Variants in ABTB2 observed in about 807,000 individuals in gnomAD.
The protein encoded by ABTB2 is ankyrin repeat and BTB domain containing 2.
A neutral mutation model predicts 104.1 loss-of-function variants in ABTB2; 56 were observed. The ratio of observed to expected loss-of-function variants is 0.54; its 90% CI spans 0.43 to 0.67. ABTB2 has a LOEUF of 0.67. Among genes scored for constraint, ABTB2 ranks in the 30% least tolerant of loss-of-function variants. ABTB2 has a pLI of 0.00. For missense variants in ABTB2, 1,279 were observed against 1,407.7 expected, an observed-to-expected ratio of 0.91 and a Z score of 1.46; for synonymous variants, 606 against 608.2, an observed-to-expected ratio of 1.00 and a Z score of 0.05.
intron 1 of ABTB2, among the ~76,000 whole-genome samples, chr11:34,355,853 A>C (rs1038627597): frequency 6.6e-6 from 1 of 152,148 alleles, no homozygotes; most frequent in African/African-American, 2.4e-5. Flanking sequence ...CACCAAATCC[A>C]TGCTATCTTC....
chr11:34,273,154 G>C lies in ABTB2; in HGVS notation c.884-68464C>G, dbSNP rs186653193. ...TATGTTTACTATTTTTACTATTCCT[G>C]GGTCCCAGAAAGGGAGGGGAGTGAG... On this transcript the variant is annotated intron_variant, in intron 1 of 16. Transcript: ENST00000435224. 3.4e-3 allele frequency among the ~76,000 whole-genome samples: 511 copies of C among 152,096 alleles called. 1 individual carries two copies. The highest frequency in any genetic ancestry group is 9.1e-3 in the South Asian group (44 of 4,820).
intron 3 of ABTB2, chr11:34,189,271 C>CAAAAGAAAAGAAAAGAG (rs1231093132): frequency 4.6e-5 from 7 of 151,630 alleles, no homozygotes; most frequent in African/African-American, 7.3e-5. Flanking sequence ...CTTGACTAGC[C>CAAAAGAAAAGAAAAGAG]AAAAGAAAAG....
chr11:34,318,837 AG>A (rs1278945852), intron 1 of ABTB2, among the ~76,000 whole-genome samples: 1 of 152,214 alleles, frequency 6.6e-6, no homozygotes. Context: ...CTTAACCACT[AG>A]TCTAAGTAAT....
chr11:34,154,586 C>CTGCTCTTCCTGTCAGA lies in ABTB2; in HGVS notation c.2766+99_2766+114dup, dbSNP rs1852594288. Reference sequence around the variant, plus strand: ...TGTGCACAGTTCCTCTTTCTGGGAACTGCTCTTCCTGTCAGATGGAGAGGA... The same window carrying CTGCTCTTCCTGTCAGA: ...TGTGCACAGTTCCTCTTTCTGGGAACTGCTCTTCCTGTCAGATGCTCTTCCTGTCAGATGGAGAGGA... On this transcript the variant is annotated intron_variant, in intron 15 of 16. Coordinates refer to ENST00000435224, the MANE Select transcript of ABTB2 (RefSeq NM_145804.3). This position sits in a 1 kb window ranked among gnomAD's most constrained non-coding sequence, Gnocchi z 4.9. The CTGCTCTTCCTGTCAGA allele has an allele frequency of 9.1e-7, 1 of 1,099,102 alleles. No individual in the cohort carries two copies. The highest frequency in any genetic ancestry group is 1.4e-6 in the Non-Finnish European group (1 of 740,316). 68.1% of individuals were successfully genotyped at this position (1,099,102 alleles called of 1,614,324 possible).
At chr11:34,266,777 AC>A (rs929589270) in intron 1 of ABTB2, among the ~76,000 whole-genome samples, 44 of 150,542 alleles carry the variant, frequency 2.9e-4, no homozygotes, top group African/African-American at 1.1e-3. Context: ...CCCCTCCCCC[AC>A]CCCCTGTGCC....
intron 1 of ABTB2, among the ~76,000 whole-genome samples, chr11:34,225,462 A>G (rs1853673672): frequency 6.6e-6 from 1 of 152,212 alleles, no homozygotes; most frequent in African/African-American, 2.4e-5. Context: ...CTTCCCTTAA[A>G]AAGAAAGAGC....
intron 1 of ABTB2, among the ~76,000 whole-genome samples, chr11:34,237,276 C>CTTTTTTT (rs561473313): frequency 8.6e-6 from 1 of 116,236 alleles, no homozygotes; most frequent in Non-Finnish European, 1.8e-5. Context: ...CCTGGATATT[C>CTTTTTTT]TTTTTTTTTT....
chr11:34,270,340 CTTTTT>C (rs35884906), intron 1 of ABTB2, among the ~76,000 whole-genome samples: 2 of 137,420 alleles, frequency 1.5e-5, no homozygotes, highest in Non-Finnish European at 3.2e-5. Context: ...GACGGTTTTC[CTTTTT>C]TTTTTTTTTT....
At chr11:34,313,455 A>G (rs1854883477) in intron 1 of ABTB2, among the ~76,000 whole-genome samples, 1 of 152,170 alleles carries the variant, frequency 6.6e-6, no homozygotes, top group Admixed American at 6.5e-5. Context: ...CTGCACCACC[A>G]TCAGGCCCCC....
intron 1 of ABTB2, among the ~76,000 whole-genome samples, chr11:34,226,127 G>T (rs1853682970): frequency 6.6e-6 from 1 of 150,996 alleles, no homozygotes; most frequent in African/African-American, 2.4e-5. Flanking sequence ...ACTTGAGCCT[G>T]GGAGGCAGAG....
intron 1 of ABTB2, among the ~76,000 whole-genome samples, chr11:34,311,443 C>T (rs541404432): frequency 2.0e-5 from 3 of 152,352 alleles, no homozygotes; most frequent in African/African-American, 7.2e-5. Context: ...AATAAGCTCA[C>T]TCTAAAAACA....
chr11:34,234,543 T>C (rs537655736), intron 1 of ABTB2, among the ~76,000 whole-genome samples: 226 of 152,250 alleles, frequency 1.5e-3, no homozygotes, highest in African/African-American at 5.2e-3. Flanking sequence ...AGAGGAGAAA[T>C]GCAATTCTCT....
intron 1 of ABTB2, among the ~76,000 whole-genome samples, chr11:34,211,200 C>T (rs913854921): frequency 9.2e-5 from 14 of 152,270 alleles, no homozygotes; most frequent in Middle Eastern, 3.4e-3. Flanking sequence ...CTTCAACCTT[C>T]GGGGCTCAAG....
At chr11:34,309,694 A>T (rs1052606800) in intron 1 of ABTB2, among the ~76,000 whole-genome samples, 2 of 152,212 alleles carry the variant, frequency 1.3e-5, no homozygotes, top group Non-Finnish European at 2.9e-5. Context: ...TGGAGAAAAG[A>T]AAAACAAACT....
chr11:34,236,642 C>A (rs1485731553), intron 1 of ABTB2, among the ~76,000 whole-genome samples: 1 of 152,200 alleles, frequency 6.6e-6, no homozygotes, highest in African/African-American at 2.4e-5. Context: ...CAAGGCCAGG[C>A]CTTGATCTCC....
chr11:34,241,242 G>A (rs1015418735), intron 1 of ABTB2, among the ~76,000 whole-genome samples: 2 of 152,214 alleles, frequency 1.3e-5, no homozygotes, highest in East Asian at 3.8e-4. Context: ...GGAAAGTTGT[G>A]TGGACTGAGT....
At chr11:34,192,318 C>T (rs549874500) in intron 3 of ABTB2, among the ~76,000 whole-genome samples, 4 of 152,182 alleles carry the variant, frequency 2.6e-5, no homozygotes, top group Non-Finnish European at 5.9e-5. Flanking sequence ...AATATGTTAA[C>T]TCATTGGGTC....
chr11:34,347,979 T>C (rs538930139), intron 1 of ABTB2, among the ~76,000 whole-genome samples: 1 of 152,352 alleles, frequency 6.6e-6, no homozygotes, highest in East Asian at 1.9e-4. Flanking sequence ...AATGGCCTCG[T>C]TTAACACATT....
At chr11:34,157,303 A>G (rs557195843) in intron 14 of ABTB2, among the ~76,000 whole-genome samples, 143 of 152,362 alleles carry the variant, frequency 9.4e-4, no homozygotes, top group African/African-American at 3.3e-3. Context: ...GAACTTGGCA[A>G]GAGGCCCAGG....
Sources: gnomAD v4.1 joint callset for allele counts (sites outside exome capture counted in the v4.1 genomes callset) on GRCh38, gnomAD v4.1.1 for gene constraint, Gnocchi (gnomAD v3.1) non-coding constraint, MANE v1.5 for transcripts, NCBI Gene and HGNC (gene_info 2026-07-23, HGNC 2026-07-21) for gene names.